CNTNAP2: variants seen among roughly 807,000 people sequenced by gnomAD.
The protein encoded by CNTNAP2 is contactin associated protein 2, also known as contactin-associated protein-like 2.
Under a neutral mutation model 155.2 loss-of-function variants are expected in CNTNAP2, and 98 were observed. The ratio of observed to expected loss-of-function variants is 0.63; its 90% CI spans 0.54 to 0.75. CNTNAP2 has a LOEUF of 0.75. CNTNAP2 is among the 30% of genes least tolerant of loss of function. The pLI is 0.00. For synonymous variants in CNTNAP2, 651 were observed against 631.2 expected (o/e 1.03, Z -0.47); for missense variants, 1,727 against 1,688.1 (o/e 1.02, Z -0.40).
chr7:147,232,179 G>C (rs750497848), intron 8 of CNTNAP2, among the ~76,000 whole-genome samples: 1 of 152,124 alleles, frequency 6.6e-6, no homozygotes, highest in Non-Finnish European at 1.5e-5. Flanking sequence ...ATTGAAGAAG[G>C]CACAGATAAA....
rs115563305 is a variant in CNTNAP2, at chr7:146,580,912, C to T, written c.98-193359C>T. Among the ~76,000 whole-genome samples, 354 of 152,158 alleles carry T rather than the reference C, an allele frequency of 2.3e-3. 1 individual carries two copies. The highest frequency in any genetic ancestry group is 7.8e-3 in the African/African-American group (326 of 41,536). ...GATACATTTGGCCAAGCGACACTCTCACCTCAAATTTGTGTGAAAAATCAC... is the reference window on the plus strand; with the variant it reads ...GATACATTTGGCCAAGCGACACTCTTACCTCAAATTTGTGTGAAAAATCAC... On this transcript the variant is annotated intron_variant, in intron 1 of 23. Transcript: ENST00000361727.
At chr7:147,738,468 A>G (rs999136286) in intron 13 of CNTNAP2, among the ~76,000 whole-genome samples, 4 of 152,190 alleles carry the variant, frequency 2.6e-5, no homozygotes, top group African/African-American at 4.8e-5. Context: ...TGCCCTCATC[A>G]ATTGGAAGTC....
At chr7:148,318,726 C>G (rs1418572480) in intron 21 of CNTNAP2, among the ~76,000 whole-genome samples, 1 of 152,170 alleles carries the variant, frequency 6.6e-6, no homozygotes, top group Non-Finnish European at 1.5e-5. Context: ...ACATATTTCC[C>G]TCCATTAGGA....
chr7:146,528,935 C>G (rs572929459), intron 1 of CNTNAP2, among the ~76,000 whole-genome samples: 2 of 151,778 alleles, frequency 1.3e-5, no homozygotes, highest in South Asian at 4.2e-4. Context: ...ATCAAGAAAG[C>G]GGAAGCAAGG....
chr7:148,417,398 A>ACAAGT lies in CNTNAP2; in HGVS notation c.*1787_*1791dup, dbSNP rs767525439. 6 of 152,674 alleles carry ACAAGT rather than the reference A, an allele frequency of 3.9e-5. No individual in the cohort carries two copies. The highest frequency in any genetic ancestry group is 3.2e-3 in the Middle Eastern group (1 of 316). The allele number at this position is 152,674 out of a possible 1,614,324, so 9.5% of individuals were successfully genotyped here. The stretch of plus-strand genomic sequence containing the variant: ...AGACATTGGACCAGTTAATTCCCAT[A>ACAAGT]CAAGTCAAGGTAACAGAACAAAAGG... On this transcript the variant is annotated 3_prime_UTR_variant, in exon 24 of 24. Transcript: ENST00000361727.
chr7:146,407,036 T>C (rs192266350), intron 1 of CNTNAP2, among the ~76,000 whole-genome samples: 4 of 152,284 alleles, frequency 2.6e-5, no homozygotes, highest in African/African-American at 9.6e-5. Flanking sequence ...AGCATGCCTG[T>C]ATTGGGTGCT....
intron 1 of CNTNAP2, among the ~76,000 whole-genome samples, chr7:146,125,381 C>A (rs909220367): frequency 6.6e-6 from 1 of 151,856 alleles, no homozygotes. Flanking sequence ...TCGAGAACAT[C>A]CTGGCTAACA....
At chr7:146,605,487 ACT>A (rs1394303986) in intron 1 of CNTNAP2, among the ~76,000 whole-genome samples, 2 of 151,854 alleles carry the variant, frequency 1.3e-5, no homozygotes, top group Non-Finnish European at 1.5e-5. Flanking sequence ...AGAAAAAAGG[ACT>A]CTAAGATGGT....
In CNTNAP2 at chr7:146,812,340, C is replaced by T. The variant is rs113978333; in HGVS notation, c.209-27371C>T. Among the ~76,000 whole-genome samples the T allele has an allele frequency of 7.7e-3, 1,165 of 151,548 alleles. 19 individuals are homozygous for T. Among genetic ancestry groups the T allele is most frequent in the African/African-American group, 0.025 (1,016 of 41,200 alleles). ...GTTATGCTTTAGCAAAGAGACTGGA[C>T]GCATTTTGCCCCTGCCCTAGAGATT... On this transcript the variant is annotated intron_variant, in intron 2 of 23. Transcript: ENST00000361727.
At chr7:146,969,904 C>T (rs962461962) in intron 3 of CNTNAP2, among the ~76,000 whole-genome samples, 2 of 152,062 alleles carry the variant, frequency 1.3e-5, no homozygotes, top group Admixed American at 1.3e-4. Context: ...GAAATAATGC[C>T]GCATATCTAC....
chr7:147,045,756 G>T (rs1799344833), intron 4 of CNTNAP2, among the ~76,000 whole-genome samples: 1 of 151,992 alleles, frequency 6.6e-6, no homozygotes, highest in Non-Finnish European at 1.5e-5. Flanking sequence ...ATATTTTTGT[G>T]ACCATCACAA....
chr7:147,799,049 G>A (rs553491520), intron 13 of CNTNAP2, among the ~76,000 whole-genome samples: 5 of 152,120 alleles, frequency 3.3e-5, no homozygotes, highest in Non-Finnish European at 7.3e-5. Context: ...AAAACCCCAG[G>A]CCTTCCCATA....
At chr7:147,990,200 G>A in intron 15 of CNTNAP2, among the ~76,000 whole-genome samples, 1 of 152,180 alleles carries the variant, frequency 6.6e-6, no homozygotes. Flanking sequence ...CACAGGGTGA[G>A]GTCGGGGGAA....
chr7:146,341,449 T>G (rs1399378737), intron 1 of CNTNAP2, among the ~76,000 whole-genome samples: 1 of 152,106 alleles, frequency 6.6e-6, no homozygotes, highest in Non-Finnish European at 1.5e-5. Flanking sequence ...TATTACATAT[T>G]TTAGCATAGA....
chr7:147,919,639 T>C (rs1800230779), intron 14 of CNTNAP2, among the ~76,000 whole-genome samples: 1 of 151,562 alleles, frequency 6.6e-6, no homozygotes, highest in Non-Finnish European at 1.5e-5. Flanking sequence ...TTTGTATTTT[T>C]AGTAGAGATG....
chr7:146,553,552 T>A (rs1173917069), intron 1 of CNTNAP2, among the ~76,000 whole-genome samples: 1 of 152,198 alleles, frequency 6.6e-6, no homozygotes, highest in Non-Finnish European at 1.5e-5. Context: ...ATGCACTTTT[T>A]ATCTATTTTT....
At chr7:147,989,432 G>A (rs17170770) in intron 15 of CNTNAP2, among the ~76,000 whole-genome samples, 3,619 of 152,274 alleles carry the variant, frequency 0.024, 166 homozygotes, top group African/African-American at 0.082. Context: ...AGTAAAGCCT[G>A]ATTGTCCCCA....
intron 1 of CNTNAP2, among the ~76,000 whole-genome samples, chr7:146,479,423 A>G (rs1796926496): frequency 6.6e-6 from 1 of 152,250 alleles, no homozygotes; most frequent in Non-Finnish European, 1.5e-5. Flanking sequence ...TAAAGTGTTT[A>G]ATTCAGGTGT....
chr7:146,716,877 T>G (rs188345540), intron 1 of CNTNAP2, among the ~76,000 whole-genome samples: 35 of 152,332 alleles, frequency 2.3e-4, no homozygotes, highest in Non-Finnish European at 3.8e-4. Context: ...ACCTCTATTA[T>G]GCAGTTACAG....
Sources: allele counts gnomAD v4.1 joint callset (sites outside exome capture counted in the v4.1 genomes callset), GRCh38; gene constraint gnomAD v4.1.1; transcripts MANE v1.5; gene names NCBI Gene and HGNC (gene_info 2026-07-23, HGNC 2026-07-21).